Variants in VPS41 observed in about 807,000 individuals in gnomAD.
VPS41 encodes the protein VPS41 subunit of HOPS complex, also known as vacuolar protein sorting-associated protein 41 homolog.
VPS41 carries 85 observed loss-of-function variants against 130.9 expected under a neutral mutation model. That is an observed-to-expected ratio of 0.65 (90% confidence interval 0.55 to 0.78). VPS41 has a LOEUF of 0.78. VPS41 is among the 30% of genes least tolerant of loss of function. The pLI, the probability that VPS41 is intolerant of heterozygous loss-of-function variation, is 0.00. For synonymous variants in VPS41, 335 were observed against 332.9 expected (o/e 1.01, Z -0.07); for missense variants, 874 against 1,018.7 (o/e 0.86, Z 1.93).
intron 10 of VPS41, among the ~76,000 whole-genome samples, chr7:38,788,038 A>C (rs950160106): frequency 2.0e-5 from 3 of 152,190 alleles, no homozygotes; most frequent in African/African-American, 7.2e-5. Context: ...CAGCAGTCAC[A>C]GAGTTGGGAT....
intron 16 of VPS41, among the ~76,000 whole-genome samples, chr7:38,764,630 A>G (rs1413703961): frequency 6.6e-6 from 1 of 151,890 alleles, no homozygotes; most frequent in Non-Finnish European, 1.5e-5. Flanking sequence ...CATGAAAAAA[A>G]TGACAAGAAG....
At chr7:38,790,276 T>G (rs911632463) in intron 9 of VPS41, among the ~76,000 whole-genome samples, 3 of 144,748 alleles carry the variant, frequency 2.1e-5, no homozygotes, top group African/African-American at 7.8e-5. Context: ...GCATTAGTCA[T>G]TGTTCCAGCA....
intron 25 of VPS41, among the ~76,000 whole-genome samples, chr7:38,733,113 C>G (rs1795700754): frequency 1.3e-5 from 2 of 152,176 alleles, no homozygotes; most frequent in African/African-American, 2.4e-5. Flanking sequence ...CAGGCATGAA[C>G]CACCGTATCC....
At chr7:38,877,298 T>C (rs888312256) in intron 2 of VPS41, among the ~76,000 whole-genome samples, 2 of 152,018 alleles carry the variant, frequency 1.3e-5, no homozygotes, top group Non-Finnish European at 2.9e-5. Context: ...TCAGAGATCA[T>C]CTAAACTATG....
At chr7:38,890,605 G>T (rs1471837907) in intron 2 of VPS41, among the ~76,000 whole-genome samples, 1 of 152,154 alleles carries the variant, frequency 6.6e-6, no homozygotes, top group Non-Finnish European at 1.5e-5. Context: ...ATTTCCTGGC[G>T]TGATATTGTA....
intron 2 of VPS41, among the ~76,000 whole-genome samples, chr7:38,894,685 A>G (rs1201008036): frequency 6.6e-6 from 1 of 152,178 alleles, no homozygotes; most frequent in African/African-American, 2.4e-5. Flanking sequence ...AGGAAACTGA[A>G]GAATACAGGA....
chr7:38,752,109 C>A, intron 22 of VPS41, 67 bp downstream of exon 22: 3 of 1,597,018 alleles, frequency 1.9e-6, no homozygotes, highest in Non-Finnish European at 2.6e-6. Context: ...AGAAGAAAGA[C>A]AAACAACTTA....
chr7:38,897,597 A>G (rs578186832), intron 2 of VPS41, among the ~76,000 whole-genome samples: 4 of 150,092 alleles, frequency 2.7e-5, no homozygotes, highest in African/African-American at 9.8e-5. Context: ...GTGAGCCGAG[A>G]TGGAGCCACT....
intron 2 of VPS41, among the ~76,000 whole-genome samples, chr7:38,891,779 T>C (rs1012717805): frequency 3.3e-5 from 5 of 152,020 alleles, no homozygotes; most frequent in Non-Finnish European, 7.4e-5. Flanking sequence ...ATCCATTATA[T>C]GGGTTATATG....
intron 2 of VPS41, 84 bp from the exon 3 acceptor site, chr7:38,869,337 CAGAG>C: frequency 9.3e-6 from 8 of 864,324 alleles, no homozygotes; most frequent in Non-Finnish European, 1.5e-5. Context: ...ACGAGAGAAC[CAGAG>C]ATGGTTCCTT....
chr7:38,790,987 C>T (rs1009655146), intron 9 of VPS41, among the ~76,000 whole-genome samples: 4 of 152,060 alleles, frequency 2.6e-5, no homozygotes, highest in East Asian at 3.8e-4. Context: ...TTTTAATATA[C>T]GTAGTATACT....
intron 7 of VPS41, among the ~76,000 whole-genome samples, chr7:38,814,794 C>A (rs536997707): frequency 1.3e-5 from 2 of 152,274 alleles, no homozygotes; most frequent in Non-Finnish European, 2.9e-5. Flanking sequence ...AAATAGGGGA[C>A]AACTGTAAAA....
At chr7:38,866,641 G>A (rs757791203) in intron 3 of VPS41, among the ~76,000 whole-genome samples, 1 of 152,202 alleles carries the variant, frequency 6.6e-6, no homozygotes, top group Non-Finnish European at 1.5e-5. Flanking sequence ...AGGCAACTAA[G>A]TAAATATGCA....
intron 16 of VPS41, among the ~76,000 whole-genome samples, chr7:38,763,849 A>G (rs552497077): frequency 6.6e-6 from 1 of 152,318 alleles, no homozygotes; most frequent in East Asian, 1.9e-4. Flanking sequence ...AAAGTCACAG[A>G]GATGAAAAAA....
At chr7:38,746,374 G>A (rs1354953371) in intron 22 of VPS41, among the ~76,000 whole-genome samples, 4 of 152,044 alleles carry the variant, frequency 2.6e-5, no homozygotes, top group African/African-American at 9.7e-5. Flanking sequence ...AGATAGAGAT[G>A]CAAAGATGAC....
intron 27 of VPS41, 122 bp from the exon 28 acceptor site, chr7:38,727,110 G>T: frequency 1.2e-6 from 1 of 855,318 alleles, no homozygotes; most frequent in Non-Finnish European, 1.6e-6. Flanking sequence ...TTTAGAGAAT[G>T]GCTTATTTAC....
At chr7:38,823,330 C>G (rs1785212781) in intron 5 of VPS41, among the ~76,000 whole-genome samples, 1 of 152,170 alleles carries the variant, frequency 6.6e-6, no homozygotes, top group Non-Finnish European at 1.5e-5. Flanking sequence ...ATCTTGGAAG[C>G]AAGGAGAGCA....
rs1795473766 is a variant in VPS41, at chr7:38,723,305, T to C, written c.*2941A>G. On this transcript the variant is annotated 3_prime_UTR_variant, in exon 29 of 29. Transcript: ENST00000310301. ...ACAGCAAAATGAACTACAAATCTGT[T>C]GGAAACTTCTCAAAAATTCTCAAGG... is the stretch of plus-strand genomic sequence containing the variant. 1 of 152,196 alleles carries C rather than the reference T, an allele frequency of 6.6e-6. No homozygotes were observed. The highest frequency in any genetic ancestry group is 1.5e-5 in the Non-Finnish European group (1 of 68,044). 9.4% of individuals were successfully genotyped at this position (152,196 alleles called of 1,614,324 possible). A position where few individuals can be genotyped will look rare whatever the true frequency, so the allele number is the denominator to read the frequency against.
intron 25 of VPS41, among the ~76,000 whole-genome samples, chr7:38,730,427 A>G (rs973480288): frequency 2.0e-5 from 3 of 152,208 alleles, no homozygotes; most frequent in Non-Finnish European, 4.4e-5. Flanking sequence ...CAGGAAAACA[A>G]AACTAATGTC....
Sources: gnomAD v4.1 joint callset for allele counts (sites outside exome capture counted in the v4.1 genomes callset) on GRCh38, gnomAD v4.1.1 for gene constraint, MANE v1.5 for transcripts, NCBI Gene and HGNC (gene_info 2026-07-23, HGNC 2026-07-21) for gene names.